Variants in NBAS observed in about 807,000 individuals in gnomAD.
NBAS encodes the protein NBAS subunit of NRZ tethering complex, also known as NAG/BC035112 fusion.
NBAS carries 219 observed loss-of-function variants against 302.5 expected under a neutral mutation model. That is an observed-to-expected ratio of 0.72 (90% CI 0.65 to 0.81). The LOEUF is 0.81. Among genes scored for constraint, NBAS ranks in the 30% least tolerant of loss-of-function variants. The pLI, the probability that NBAS is intolerant of heterozygous loss-of-function variation, is 0.00. For missense variants in NBAS, 2,932 were observed against 2,841.6 expected, an observed-to-expected ratio of 1.03 and a Z score of -0.72; for synonymous variants, 1,118 against 1,021.6, an observed-to-expected ratio of 1.09 and a Z score of -1.80.
chr2:15,346,211 G>A (rs150149122), intron 35 of NBAS, among the ~76,000 whole-genome samples: 1 of 152,090 alleles, frequency 6.6e-6, no homozygotes, highest in Non-Finnish European at 1.5e-5. Context: ...GCATTAGAGT[G>A]AACAGGCAAC....
rs780503740 is a variant in NBAS at position 15,511,271 on chromosome 2, C to T, written c.826G>A (p.Val276Ile). 2.5e-6 allele frequency: 4 copies of T among 1,614,082 alleles called. No individual in the cohort carries two copies. Among genetic ancestry groups the T allele is most frequent in the Non-Finnish European group, 3.4e-6 (4 of 1,179,974 alleles). Residue 276 changes from valine (V) to isoleucine (I), a missense_variant, in exon 10 of 52, where the codon GTT becomes ATT. Physicochemically the swap from Val to Ile is conservative, Grantham distance 29. Coordinates refer to ENST00000281513, the MANE Select transcript of NBAS (RefSeq NM_015909.4). ...TTATAATACGGTGATCCTGAAAGAACTCTCCAGGCAGAAAGGCCACAGCTA... is the reference window on the plus strand; with the variant it reads ...TTATAATACGGTGATCCTGAAAGAATTCTCCAGGCAGAAAGGCCACAGCTA... ...ASSCGLSAWR[V>I]LSGSPYYKQV...
intron 44 of NBAS, among the ~76,000 whole-genome samples, chr2:15,265,146 T>C (rs1394581391): frequency 6.6e-6 from 1 of 152,232 alleles, no homozygotes; most frequent in African/African-American, 2.4e-5. Context: ...CTGATAGGCA[T>C]GCAAAATACT....
the NBAS span, among the ~76,000 whole-genome samples, chr2:14,910,256 A>T: frequency 6.6e-6 from 1 of 152,208 alleles, no homozygotes; most frequent in Non-Finnish European, 1.5e-5. Context: ...GGGGCTGTGA[A>T]AACCGAGGTG....
chr2:15,309,297 C>T (rs1442788225), intron 38 of NBAS, 50 bp from the exon 39 acceptor site: 3 of 1,458,200 alleles, frequency 2.1e-6, no homozygotes, highest in Non-Finnish European at 2.9e-6. Flanking sequence ...ATATGATATT[C>T]ATAGTTATTA....
At chr2:14,944,014 TC>T in the NBAS span, among the ~76,000 whole-genome samples, 1 of 151,924 alleles carries the variant, frequency 6.6e-6, no homozygotes, top group South Asian at 2.1e-4. Flanking sequence ...AAACTACTAA[TC>T]CCTGCCAGGT....
intron 9 of NBAS, among the ~76,000 whole-genome samples, chr2:15,522,805 A>C (rs2148663680): frequency 6.6e-6 from 1 of 152,370 alleles, no homozygotes; most frequent in East Asian, 1.9e-4. Context: ...TTAACTACTA[A>C]TAGGCTAATG....
chr2:14,941,261 T>A, the NBAS span, among the ~76,000 whole-genome samples: 1 of 152,234 alleles, frequency 6.6e-6, no homozygotes, highest in Non-Finnish European at 1.5e-5. Context: ...CCAGATGATC[T>A]ATGTTTATAT....
At chr2:15,396,828 T>C (rs1033674297) in intron 26 of NBAS, among the ~76,000 whole-genome samples, 6 of 152,188 alleles carry the variant, frequency 3.9e-5, no homozygotes, top group African/African-American at 1.4e-4. Context: ...ATAAAACAGA[T>C]TAAGAAGAAG....
chr2:14,866,437 C>T, the NBAS span, among the ~76,000 whole-genome samples: 705 of 152,138 alleles, frequency 4.6e-3, 9 homozygotes, highest in African/African-American at 0.016. Context: ...ATTGCTAATA[C>T]AAATAAGTCT....
At chr2:15,437,538 C>A (rs1309735904) in intron 21 of NBAS, among the ~76,000 whole-genome samples, 1 of 152,040 alleles carries the variant, frequency 6.6e-6, no homozygotes, top group Non-Finnish European at 1.5e-5. Context: ...GATGTCAGTT[C>A]GACAGAATGT....
chr2:15,077,841 A>C, the NBAS span, among the ~76,000 whole-genome samples: 1 of 151,666 alleles, frequency 6.6e-6, no homozygotes, highest in Non-Finnish European at 1.5e-5. Context: ...GCACCACCAC[A>C]CCTGGCTAAT....
chr2:15,262,510 CAG>C (rs1668895497), intron 44 of NBAS, among the ~76,000 whole-genome samples: 1 of 152,144 alleles, frequency 6.6e-6, no homozygotes, highest in Admixed American at 6.5e-5. Flanking sequence ...AAACTTAACT[CAG>C]AATATAGAGT....
At chr2:15,152,631 G>A in the NBAS span, among the ~76,000 whole-genome samples, 9 of 152,172 alleles carry the variant, frequency 5.9e-5, no homozygotes, top group East Asian at 3.8e-4. Flanking sequence ...TCTATGGAGC[G>A]CTCTGAACCT....
chr2:15,208,737 A>G (rs1442922394), intron 48 of NBAS, among the ~76,000 whole-genome samples: 2 of 152,188 alleles, frequency 1.3e-5, no homozygotes, highest in Non-Finnish European at 2.9e-5. Flanking sequence ...AAACTGAAAA[A>G]TTTCTTGAAA....
chr2:14,797,602 T>C, the NBAS span, among the ~76,000 whole-genome samples: 1 of 152,180 alleles, frequency 6.6e-6, no homozygotes, highest in African/African-American at 2.4e-5. Flanking sequence ...GAGCCTGTCA[T>C]GGAAGTCACT....
At chr2:15,252,924 A>G (rs937372183) in intron 44 of NBAS, among the ~76,000 whole-genome samples, 4 of 152,238 alleles carry the variant, frequency 2.6e-5, no homozygotes, top group African/African-American at 7.2e-5. Flanking sequence ...TAAATTAAGT[A>G]TGTGGGTACA....
At chr2:15,351,210 A>T (rs1444905179) in intron 35 of NBAS, among the ~76,000 whole-genome samples, 1 of 152,234 alleles carries the variant, frequency 6.6e-6, no homozygotes, top group Non-Finnish European at 1.5e-5. Flanking sequence ...ACATAACACT[A>T]AGTATAACTA....
chr2:14,979,831 G>A, the NBAS span, among the ~76,000 whole-genome samples: 100 of 152,262 alleles, frequency 6.6e-4, no homozygotes, highest in Non-Finnish European at 4.6e-4. Flanking sequence ...TGGTTAGTGC[G>A]TTAGGAAAAA....
At chr2:15,531,316 A>G (rs1663204327) in intron 9 of NBAS, among the ~76,000 whole-genome samples, 1 of 152,138 alleles carries the variant, frequency 6.6e-6, no homozygotes, top group South Asian at 2.1e-4. Flanking sequence ...CAATAGCTAT[A>G]TGGCAGGTGT....
Sources: gnomAD v4.1 joint callset for allele counts (sites outside exome capture counted in the v4.1 genomes callset) on GRCh38, gnomAD v4.1.1 for gene constraint, MANE v1.5 for transcripts, NCBI Gene and HGNC (gene_info 2026-07-23, HGNC 2026-07-21) for gene names.